Variants in CALN1 observed in about 807,000 individuals in gnomAD.
CALN1 encodes the protein calneuron 1.
In CALN1, 17 loss-of-function variants were observed where a neutral mutation model predicts 30.6. The observed-to-expected ratio is 0.56, with a 90% CI of 0.38 to 0.83. The LOEUF (loss-of-function observed/expected upper bound fraction) is 0.83, where lower values mean the gene tolerates loss of function less well. CALN1 is among the 40% of genes least tolerant of loss of function. The pLI, the probability that CALN1 is intolerant of heterozygous loss-of-function variation, is 0.00. For missense variants in CALN1, 291 were observed against 354.9 expected, an observed-to-expected ratio of 0.82 and a Z score of 1.45; for synonymous variants, 156 against 131.4, an observed-to-expected ratio of 1.19 and a Z score of -1.28.
At chr7:72,006,684 T>A (rs1799788679) in intron 5 of CALN1, among the ~76,000 whole-genome samples, 2 of 151,976 alleles carry the variant, frequency 1.3e-5, no homozygotes, top group Non-Finnish European at 2.9e-5. Flanking sequence ...AAGAAAAAAA[T>A]AATGGATGGA....
rs35237198 is a variant in CALN1 at position 72,203,153 on chromosome 7, AG to A, written c.244+75532del. 2.6e-5 allele frequency among the ~76,000 whole-genome samples: 4 copies of A among 152,204 alleles called. 1 individual carries two copies. In the South Asian group the frequency reaches 8.3e-4, roughly 32 times the overall value. On this transcript the variant is annotated intron_variant, in intron 3 of 6. Transcript: ENST00000395275. The stretch of plus-strand genomic sequence containing the variant: ...CTGAACAATGAGAACACATGGACAC[AG>A]GGAGGGGAACACCACACACCAGGGC...
At chr7:72,203,836 CA>C (rs1290793968) in intron 3 of CALN1, among the ~76,000 whole-genome samples, 1 of 151,938 alleles carries the variant, frequency 6.6e-6, no homozygotes, top group Non-Finnish European at 1.5e-5. Flanking sequence ...GTGCAAAAGT[CA>C]TACTAGCCCA....
chr7:72,493,171 G>A, the CALN1 span, among the ~76,000 whole-genome samples: 1,806 of 151,898 alleles, frequency 0.012, 11 homozygotes, highest in Non-Finnish European at 0.019. Context: ...CCACCTCCCC[G>A]GGTCTCCCAC....
intron 2 of CALN1, among the ~76,000 whole-genome samples, chr7:72,390,024 G>A (rs1805475562): frequency 6.6e-6 from 1 of 152,092 alleles, no homozygotes; most frequent in Non-Finnish European, 1.5e-5. Flanking sequence ...CTTACTGCTG[G>A]GGTAGTATGA....
At chr7:72,125,059 C>G (rs570647158) in intron 3 of CALN1, among the ~76,000 whole-genome samples, 1 of 152,244 alleles carries the variant, frequency 6.6e-6, no homozygotes, top group African/African-American at 2.4e-5. Context: ...AACGGAGTCT[C>G]ACTTTGTCAC....
At chr7:72,353,707 TAA>T (rs1424525231) in intron 2 of CALN1, among the ~76,000 whole-genome samples, 2 of 152,006 alleles carry the variant, frequency 1.3e-5, no homozygotes, top group Non-Finnish European at 2.9e-5. Flanking sequence ...GCCAGTGAAA[TAA>T]GTCAATAAAA....
intron 3 of CALN1, among the ~76,000 whole-genome samples, chr7:72,223,073 T>TA (rs1156433666): frequency 6.6e-6 from 1 of 152,154 alleles, no homozygotes; most frequent in African/African-American, 2.4e-5. Context: ...TAGGGTGAGC[T>TA]ACAGGCTCCT....
intron 5 of CALN1, among the ~76,000 whole-genome samples, chr7:71,947,934 CAA>C (rs5884865): frequency 3.6e-5 from 5 of 137,766 alleles, no homozygotes; most frequent in Admixed American, 7.4e-5. Context: ...GACTCCGTCT[CAA>C]AAAAAAAAAA....
At chr7:71,882,815 C>T (rs1792655318) in intron 5 of CALN1, among the ~76,000 whole-genome samples, 1 of 150,870 alleles carries the variant, frequency 6.6e-6, no homozygotes, top group African/African-American at 2.4e-5. Flanking sequence ...TCTGGAGTAG[C>T]TGGGACTATG....
chr7:72,255,571 G>A (rs768474742), intron 3 of CALN1, among the ~76,000 whole-genome samples: 11 of 151,072 alleles, frequency 7.3e-5, no homozygotes, highest in Middle Eastern at 3.4e-3. Context: ...CCCCTACCAA[G>A]CTTGGCTAGT....
intron 4 of CALN1, among the ~76,000 whole-genome samples, chr7:72,038,932 C>T (rs1277417627): frequency 2.6e-5 from 4 of 152,108 alleles, no homozygotes; most frequent in Admixed American, 6.5e-5. Flanking sequence ...ATGGAGTAGC[C>T]GTTCTTTTAT....
chr7:71,852,358 T>A (rs889460407), intron 5 of CALN1, among the ~76,000 whole-genome samples: 3 of 151,512 alleles, frequency 2.0e-5, no homozygotes, highest in Admixed American at 1.3e-4. Context: ...AACTGCCGAC[T>A]GGGCACAGTG....
At chr7:72,176,261 A>G (rs1356967246) in intron 3 of CALN1, among the ~76,000 whole-genome samples, 1 of 152,142 alleles carries the variant, frequency 6.6e-6, no homozygotes, top group African/African-American at 2.4e-5. Flanking sequence ...AGGGCTTTGG[A>G]AGAACTTTGT....
At chr7:72,003,889 C>T (rs140668743) in intron 5 of CALN1, among the ~76,000 whole-genome samples, 16 of 152,252 alleles carry the variant, frequency 1.1e-4, no homozygotes, top group African/African-American at 3.4e-4. Flanking sequence ...GTCTCTGGTG[C>T]CAGAAAGGTG....
intron 1 of CALN1, among the ~76,000 whole-genome samples, chr7:72,437,426 C>T (rs902665465): frequency 7.9e-5 from 12 of 152,074 alleles, no homozygotes; most frequent in African/African-American, 2.7e-4. Context: ...AGTTTGGTTG[C>T]TAAGGGCTGT....
intron 5 of CALN1, among the ~76,000 whole-genome samples, chr7:71,838,293 G>A (rs1477381301): frequency 6.6e-6 from 1 of 152,188 alleles, no homozygotes; most frequent in Admixed American, 6.5e-5. Context: ...CATTTTTTAA[G>A]TCTAGTGTTT....
intron 1 of CALN1, among the ~76,000 whole-genome samples, chr7:72,421,489 A>C (rs1807606112): frequency 6.6e-6 from 1 of 150,644 alleles, no homozygotes; most frequent in Non-Finnish European, 1.5e-5. Context: ...TATCTTTTAC[A>C]TGAACTCTCA....
chr7:72,429,239 G>T (rs1173870139), intron 1 of CALN1, among the ~76,000 whole-genome samples: 1 of 152,096 alleles, frequency 6.6e-6, no homozygotes, highest in Non-Finnish European at 1.5e-5. Flanking sequence ...TTAGCTCAAG[G>T]TCCTAAAAGA....
chr7:72,383,235 T>C (rs1562936334), intron 2 of CALN1, among the ~76,000 whole-genome samples: 1 of 152,222 alleles, frequency 6.6e-6, no homozygotes, highest in Non-Finnish European at 1.5e-5. Flanking sequence ...ACGGTACATG[T>C]GTCTTCCTGG....
Sources: gnomAD v4.1 joint callset for allele counts (sites outside exome capture counted in the v4.1 genomes callset) on GRCh38, gnomAD v4.1.1 for gene constraint, MANE v1.5 for transcripts, NCBI Gene and HGNC (gene_info 2026-07-23, HGNC 2026-07-21) for gene names.